CUX1: variants seen among roughly 807,000 people sequenced by gnomAD.
The protein encoded by CUX1 is protein CASP.
In CUX1, 31 loss-of-function variants were observed where a neutral mutation model predicts 158.8. That is an observed-to-expected ratio of 0.20 (90% CI 0.15 to 0.26). The LOEUF (loss-of-function observed/expected upper bound fraction) is 0.26, where lower values mean the gene tolerates loss of function less well. Among genes scored for constraint, CUX1 ranks in the 10% least tolerant of loss-of-function variants. CUX1 has a pLI of 1.00. For missense variants in CUX1, 1,589 were observed against 2,014.6 expected (o/e 0.79, Z 4.04); for synonymous variants, 879 against 862.1 (o/e 1.02, Z -0.34).
In CUX1 at chr7:101,916,609, G is replaced by A. The variant is rs117020735; in HGVS notation, c.141+384G>A. ...AGGGATCCTGTGGGGTGGAAGGTCC[G>A]CGGGGCCTGCTTCCCTGTTGCTGGT... On this transcript the variant is annotated intron_variant, in intron 2 of 23. Coordinates refer to ENST00000292535, the MANE Select transcript of CUX1 (RefSeq NM_181552.4). This position sits in a 1 kb window ranked among gnomAD's most constrained non-coding sequence, Gnocchi z 4.4. 2,495 of 210,192 alleles carry A rather than the reference G, an allele frequency of 0.012. 16 individuals carry two copies. The highest frequency in any genetic ancestry group is 0.019 in the Non-Finnish European group (1,874 of 99,668). 13.0% of individuals were successfully genotyped at this position (210,192 alleles called of 1,614,324 possible). A position where few individuals can be genotyped will look rare whatever the true frequency, so the allele number is the denominator to read the frequency against.
chr7:102,234,377 T>C, intron 22 of CUX1, 137 bp downstream of exon 22: 1 of 721,836 alleles, frequency 1.4e-6, no homozygotes, highest in Non-Finnish European at 2.0e-6. Flanking sequence ...AAAATATTTT[T>C]GGATGGTCAT....
At chr7:101,972,893 G>C (rs1439290188) in intron 2 of CUX1, among the ~76,000 whole-genome samples, 1 of 152,196 alleles carries the variant, frequency 6.6e-6, no homozygotes, top group African/African-American at 2.4e-5. Flanking sequence ...AGGGAGTCGT[G>C]ACTTTCTGTT....
intron 2 of CUX1, among the ~76,000 whole-genome samples, chr7:101,940,231 C>A (rs1280925779): frequency 7.1e-6 from 1 of 140,802 alleles, no homozygotes; most frequent in Admixed American, 7.4e-5. Flanking sequence ...CGGAGGGAGA[C>A]CCTGTCTCAG....
intron 2 of CUX1, among the ~76,000 whole-genome samples, chr7:101,985,464 C>G (rs1814175872): frequency 6.6e-6 from 1 of 152,216 alleles, no homozygotes; most frequent in Non-Finnish European, 1.5e-5. Context: ...GCCTGCAGGA[C>G]TGCTGTGCAT....
At chr7:102,269,410 G>A (rs797024736) in intron 14 of CUX1, among the ~76,000 whole-genome samples, 9 of 148,058 alleles carry the variant, frequency 6.1e-5, no homozygotes, top group African/African-American at 2.2e-4. Context: ...GTACCCCAAA[G>A]TCTTTTTTTT....
intron 12 of CUX1, among the ~76,000 whole-genome samples, chr7:102,191,973 G>A (rs1444711660): frequency 1.3e-5 from 2 of 152,158 alleles, no homozygotes; most frequent in Admixed American, 6.5e-5. Flanking sequence ...GCTTGTCACT[G>A]CATTTCTGCT....
intron 2 of CUX1, among the ~76,000 whole-genome samples, chr7:101,928,154 A>C (rs2129109167): frequency 6.6e-6 from 1 of 152,254 alleles, no homozygotes; most frequent in African/African-American, 2.4e-5. Flanking sequence ...TTAGTCAAAA[A>C]CATGCTGCGT....
intron 10 of CUX1, among the ~76,000 whole-genome samples, chr7:102,178,176 A>G (rs566577165): frequency 1.6e-4 from 24 of 152,344 alleles, no homozygotes. Context: ...TGCTGGGATT[A>G]CAGGCGTGAG....
At chr7:101,870,482 AG>A (rs775612240) in intron 1 of CUX1, among the ~76,000 whole-genome samples, 1 of 152,040 alleles carries the variant, frequency 6.6e-6, no homozygotes, top group Non-Finnish European at 1.5e-5. Flanking sequence ...AGTTTTAAAG[AG>A]GGGGTGGTGC....
At chr7:102,062,823 A>G (rs1056106005) in intron 3 of CUX1, among the ~76,000 whole-genome samples, 1 of 151,262 alleles carries the variant, frequency 6.6e-6, no homozygotes, top group African/African-American at 2.4e-5. Context: ...TGTAACACTT[A>G]GCCGGGTGCG....
chr7:102,053,617 CCTT>C (rs1314293168), intron 3 of CUX1, among the ~76,000 whole-genome samples: 5 of 152,070 alleles, frequency 3.3e-5, no homozygotes, highest in African/African-American at 9.7e-5. Flanking sequence ...TGGTAACCAT[CCTT>C]CTACTTTCTA....
chr7:102,196,556 A>G (rs1794815102), intron 14 of CUX1, 78 bp from the exon 15 acceptor site: 4 of 1,359,062 alleles, frequency 2.9e-6, no homozygotes, highest in East Asian at 2.4e-5. Context: ...GCGGGGGCAA[A>G]CTTTTGCATT....
chr7:101,854,438 C>T (rs1337129185), intron 1 of CUX1, among the ~76,000 whole-genome samples: 1 of 152,022 alleles, frequency 6.6e-6, no homozygotes, highest in Non-Finnish European at 1.5e-5. Context: ...GCACCAGAGG[C>T]CTGGGCTCAA....
intron 4 of CUX1, among the ~76,000 whole-genome samples, chr7:102,090,676 C>G (rs797041207): frequency 1.1e-4 from 16 of 145,906 alleles, no homozygotes; most frequent in African/African-American, 3.9e-4. Context: ...CGTGAGCCAC[C>G]GCACCCCGCC....
intron 1 of CUX1, among the ~76,000 whole-genome samples, chr7:101,843,996 C>T (rs1287902188): frequency 6.6e-6 from 1 of 152,170 alleles, no homozygotes; most frequent in Non-Finnish European, 1.5e-5. Context: ...TGAAAACCTG[C>T]ACCTTTCTTA....
At chr7:102,271,456 G>T (rs1791206876) in intron 14 of CUX1, among the ~76,000 whole-genome samples, 1 of 152,176 alleles carries the variant, frequency 6.6e-6, no homozygotes, top group Admixed American at 6.5e-5. Flanking sequence ...AGCATGTGTG[G>T]CCGGCTCTGC....
intron 2 of CUX1, among the ~76,000 whole-genome samples, chr7:102,013,807 C>T (rs745703798): frequency 1.3e-5 from 2 of 152,122 alleles, no homozygotes; most frequent in Non-Finnish European, 2.9e-5. Flanking sequence ...CTGGGCTAAG[C>T]CATCCTTCCA....
At chr7:102,130,369 G>A (rs1238954684) in intron 8 of CUX1, among the ~76,000 whole-genome samples, 2 of 152,220 alleles carry the variant, frequency 1.3e-5, no homozygotes, top group East Asian at 3.9e-4. Context: ...CCTAAAGAGG[G>A]TTGGGAAAAA....
chr7:102,225,554 A>C (rs1386683600), intron 20 of CUX1, among the ~76,000 whole-genome samples: 4 of 152,330 alleles, frequency 2.6e-5, no homozygotes, highest in Middle Eastern at 6.8e-3. Context: ...CTAGGGCCCA[A>C]GGGAGAAGCA....
Sources: allele counts gnomAD v4.1 joint callset (sites outside exome capture counted in the v4.1 genomes callset), GRCh38; gene constraint gnomAD v4.1.1; non-coding constraint Gnocchi (gnomAD v3.1); transcripts MANE v1.5; gene names NCBI Gene and HGNC (gene_info 2026-07-23, HGNC 2026-07-21).